FTO: variants seen among roughly 807,000 people sequenced by gnomAD.
FTO encodes the protein alpha-ketoglutarate-dependent dioxygenase FTO.
Under a neutral mutation model 63.9 loss-of-function variants are expected in FTO, and 47 were observed. That is an observed-to-expected ratio of 0.74 (90% CI 0.58 to 0.94). The LOEUF is 0.94. FTO is among the 40% of genes least tolerant of loss of function. The pLI is 0.00. For missense variants in FTO, 562 were observed against 618.1 expected, an observed-to-expected ratio of 0.91 and a Z score of 0.96; for synonymous variants, 207 against 224.4, an observed-to-expected ratio of 0.92 and a Z score of 0.69.
At chr16:53,970,576 G>GC (rs2083293345) in intron 8 of FTO, among the ~76,000 whole-genome samples, 2 of 147,662 alleles carry the variant, frequency 1.4e-5, no homozygotes, top group South Asian at 4.3e-4. Flanking sequence ...GGGCAACAGG[G>GC]CGAGACTCCA....
intron 1 of FTO, among the ~76,000 whole-genome samples, chr16:53,740,976 T>A (rs2151539405): frequency 6.6e-6 from 1 of 152,350 alleles, no homozygotes; most frequent in African/African-American, 2.4e-5. Context: ...ACATCTGGCC[T>A]GCCACTTGTT....
Position 53,922,805 on chromosome 16 carries a change from C to T in FTO, c.1240-11180C>T, listed in dbSNP as rs151301786. ...CTGGGAAATAAGTTGATATTCTTTC[C>T]AACATCGAATGGATTCATTTCACAG... On this transcript the variant is annotated intron_variant, in intron 7 of 8. Transcript: ENST00000471389. 1.3e-3 allele frequency among the ~76,000 whole-genome samples: 197 copies of T among 152,250 alleles called. 1 individual carries two copies. The highest frequency in any genetic ancestry group is 4.5e-3 in the African/African-American group (186 of 41,544).
chr16:53,739,383 T>C lies in FTO; in HGVS notation c.45+35154T>C, dbSNP rs543836244. 2.3e-4 allele frequency among the ~76,000 whole-genome samples: 34 copies of C among 150,978 alleles called. 1 individual carries two copies. The East Asian group carries it at 5.3e-3, about 23-fold the overall frequency. On this transcript the variant is annotated intron_variant, in intron 1 of 8. Coordinates refer to ENST00000471389, the MANE Select transcript of FTO (RefSeq NM_001080432.3). ...ACCACACCTGGCTGTTTTTTTTTTT[T>C]TTTTCTATTTTTAGTAGAGATGGGG...
chr16:54,073,341 T>C (rs1313486833), intron 8 of FTO, among the ~76,000 whole-genome samples: 1 of 152,090 alleles, frequency 6.6e-6, no homozygotes, highest in Non-Finnish European at 1.5e-5. Flanking sequence ...TCTGACTCTT[T>C]AGTAGGCAAA....
At chr16:53,747,468 G>T (rs1341792116) in intron 1 of FTO, among the ~76,000 whole-genome samples, 1 of 151,914 alleles carries the variant, frequency 6.6e-6, no homozygotes, top group Non-Finnish European at 1.5e-5. Context: ...TCATGTATCT[G>T]GTGGCCATTT....
intron 8 of FTO, among the ~76,000 whole-genome samples, chr16:54,097,361 G>A (rs1226696924): frequency 6.6e-6 from 1 of 151,336 alleles, no homozygotes; most frequent in African/African-American, 2.4e-5. Context: ...TGTTTTTGGT[G>A]ACAGGGTCTG....
At chr16:54,017,897 C>CAA (rs1245459279) in intron 8 of FTO, among the ~76,000 whole-genome samples, 2 of 151,912 alleles carry the variant, frequency 1.3e-5, no homozygotes, top group Non-Finnish European at 2.9e-5. Flanking sequence ...GTAGAAATTT[C>CAA]AAATATAAAT....
At chr16:53,975,661 C>T (rs1418767498) in intron 8 of FTO, among the ~76,000 whole-genome samples, 1 of 127,102 alleles carries the variant, frequency 7.9e-6, no homozygotes, top group Admixed American at 8.3e-5. Context: ...TGTCATTCTA[C>T]AGTCCTCAAA....
At chr16:53,911,107 T>G (rs926878261) in intron 7 of FTO, 5 of 407,890 alleles carry the variant, frequency 1.2e-5, no homozygotes, top group African/African-American at 2.0e-5. Context: ...GAGTTTGATT[T>G]ATGTCTGCAG....
Position 54,114,909 on chromosome 16 carries a change from T to A in FTO, c.*2994T>A, listed in dbSNP as rs1203071382. On this transcript the variant is annotated 3_prime_UTR_variant, in exon 9 of 9. Coordinates refer to ENST00000471389, the MANE Select transcript of FTO (RefSeq NM_001080432.3). ...ACGGAGCGAGAGAAGAAAGAAATGGTGACTTTCATTGATCATGTGTTTGAG... is the reference window on the plus strand; with the variant it reads ...ACGGAGCGAGAGAAGAAAGAAATGGAGACTTTCATTGATCATGTGTTTGAG... The A allele has an allele frequency of 6.6e-6, 1 of 152,260 alleles. No individual in the cohort carries two copies. Among genetic ancestry groups the A allele is most frequent in the Admixed American group, 6.6e-5 (1 of 15,264 alleles). 9.4% of individuals were successfully genotyped at this position (152,260 alleles called of 1,614,324 possible). A position where few individuals can be genotyped will look rare whatever the true frequency, so the allele number is the denominator to read the frequency against.
intron 1 of FTO, among the ~76,000 whole-genome samples, chr16:53,796,973 C>G (rs1216750879): frequency 6.6e-6 from 1 of 152,218 alleles, no homozygotes; most frequent in Non-Finnish European, 1.5e-5. Flanking sequence ...AGCTACTAAT[C>G]TGCTTTCTGT....
At chr16:53,828,120 A>C (rs2079056526) in intron 3 of FTO, among the ~76,000 whole-genome samples, 2 of 152,256 alleles carry the variant, frequency 1.3e-5, no homozygotes. Flanking sequence ...CAAAGTATAC[A>C]AATATAAATT....
At chr16:53,759,691 CTCAAAAAAA>C (rs1373316374) in intron 1 of FTO, among the ~76,000 whole-genome samples, 37,045 of 113,740 alleles carry the variant, frequency 0.33, 5,608 homozygotes, top group African/African-American at 0.51. Context: ...AAGACTCCTT[CTCAAAAAAA>C]AAAAAAAAAA....
At chr16:53,961,139 C>T (rs1239190940) in intron 8 of FTO, among the ~76,000 whole-genome samples, 1 of 151,964 alleles carries the variant, frequency 6.6e-6, no homozygotes, top group Non-Finnish European at 1.5e-5. Context: ...CCATCAGAGG[C>T]TCTCCTTTTT....
At chr16:54,074,084 C>T (rs527955907) in intron 8 of FTO, among the ~76,000 whole-genome samples, 214 of 151,546 alleles carry the variant, frequency 1.4e-3, no homozygotes, top group Non-Finnish European at 2.7e-3. Context: ...GTTCTACCCT[C>T]GAAAACTGTT....
At chr16:53,860,667 C>T (rs535509952) in intron 4 of FTO, among the ~76,000 whole-genome samples, 33 of 152,148 alleles carry the variant, frequency 2.2e-4, no homozygotes, top group Non-Finnish European at 4.0e-4. Context: ...AACTCACTGT[C>T]ATGAGAACAG....
chr16:53,847,834 G>A (rs1315129433), intron 4 of FTO, among the ~76,000 whole-genome samples: 3 of 151,778 alleles, frequency 2.0e-5, no homozygotes, highest in Non-Finnish European at 1.5e-5. Flanking sequence ...TTGGATTTTG[G>A]TGTTATAATG....
intron 1 of FTO, among the ~76,000 whole-genome samples, chr16:53,764,475 C>CA (rs56906281): frequency 0.52 from 61,693 of 118,632 alleles, 14,706 homozygotes; most frequent in Middle Eastern, 0.66. Context: ...ACTAAAAATA[C>CA]AAAAAAAAAA....
At chr16:53,704,371 A>T (rs4783818) in intron 1 of FTO, 142 bp downstream of exon 1, 131,104 of 810,260 alleles carry the variant, frequency 0.16, 11,257 homozygotes, top group Middle Eastern at 0.2. Flanking sequence ...GGACCTGGAG[A>T]TATTAGAGGG....
Sources: gnomAD v4.1 joint callset for allele counts (sites outside exome capture counted in the v4.1 genomes callset) on GRCh38, gnomAD v4.1.1 for gene constraint, MANE v1.5 for transcripts, NCBI Gene and HGNC (gene_info 2026-07-23, HGNC 2026-07-21) for gene names.